EP400: variants seen among roughly 807,000 people sequenced by gnomAD.
EP400 encodes the protein E1A binding protein p400.
Under a neutral mutation model 354.1 loss-of-function variants are expected in EP400, and 105 were observed. That is an observed-to-expected ratio of 0.30 (90% CI 0.25 to 0.35). EP400 has a LOEUF of 0.35. Among genes scored for constraint, EP400 ranks in the 10% least tolerant of loss-of-function variants. The pLI, the probability that EP400 is intolerant of heterozygous loss-of-function variation, is 1.00. For synonymous variants in EP400, 1,646 were observed against 1,716.9 expected (o/e 0.96, Z 1.02); for missense variants, 3,280 against 4,121.0 (o/e 0.80, Z 5.59).
chr12:132,045,441 A>G lies in EP400; in HGVS notation c.6907A>G (p.Ile2303Val). ...AGAGGGCAAGGAGCAGAAGAAGAAT[A>G]TTCTGCTGAAGCAGCAGGTGCCATT... ...RREGKEQKKN[I>V]LLKQQVPFAK... The change falls in exon 38 of 53, where the codon ATT becomes GTT. Residue 2303 changes from isoleucine (I) to valine (V), a missense_variant. Physicochemically the swap from Ile to Val is conservative, Grantham distance 29. Coordinates refer to ENST00000389561, the MANE Select transcript of EP400 (RefSeq NM_015409.5). The G allele has an allele frequency of 6.2e-7, 1 of 1,614,230 alleles. No individual in the cohort carries two copies. The highest frequency in any genetic ancestry group is 1.3e-5 in the African/African-American group (1 of 75,072).
intron 2 of EP400, among the ~76,000 whole-genome samples, chr12:131,974,847 G>A (rs888483730): frequency 6.6e-6 from 1 of 151,806 alleles, no homozygotes; most frequent in African/African-American, 2.4e-5. Flanking sequence ...AAAATTAGCC[G>A]GGCTTGGTGG....
intron 19 of EP400, among the ~76,000 whole-genome samples, chr12:132,014,420 A>G (rs565296339): frequency 6.6e-6 from 1 of 152,242 alleles, no homozygotes; most frequent in African/African-American, 2.4e-5. Flanking sequence ...TCTGGCAGGG[A>G]CGTGCTGGTG....
chr12:132,004,413 A>T (rs1287600241), intron 12 of EP400, among the ~76,000 whole-genome samples: 2 of 152,124 alleles, frequency 1.3e-5, no homozygotes, highest in Admixed American at 1.3e-4. Flanking sequence ...TTTTTAAGCA[A>T]TTAGGGTGAG....
At chr12:131,983,302 A>G (rs1424845754) in intron 5 of EP400, among the ~76,000 whole-genome samples, 4 of 152,198 alleles carry the variant, frequency 2.6e-5, no homozygotes, top group Admixed American at 2.0e-4. Context: ...TTGGGATGCT[A>G]TATGCTCTGC....
At position 132,053,132 on chromosome 12, in the gene EP400, CGTCT is replaced by C. The variant is rs749287210; in HGVS notation, c.7395-9_7395-6del. 3.1e-6 allele frequency: 5 copies of C among 1,613,878 alleles called. No individual in the cohort carries two copies. Among genetic ancestry groups the C allele is most frequent in the South Asian group, 1.1e-5 (1 of 91,078 alleles). ...CTTGCCTGTATGTTTTTAACCTTTG[CGTCT>C]GTCTTTCAGTGGAATCAACTATGAC... On this transcript the variant is annotated splice_polypyrimidine_tract_variant and intron_variant, in intron 41 of 52. Transcript: ENST00000389561.
chr12:131,965,257 C>A (rs765510657), intron 2 of EP400, among the ~76,000 whole-genome samples: 10 of 152,282 alleles, frequency 6.6e-5, no homozygotes, highest in Admixed American at 4.6e-4. Context: ...ATTTATTTTT[C>A]CTTTTTTAAA....
intron 15 of EP400, among the ~76,000 whole-genome samples, chr12:132,007,955 T>C (rs1259869218): frequency 4.9e-3 from 1 of 206 alleles, no homozygotes; most frequent in Non-Finnish European, 7.9e-3. Context: ...CGAGGGTTCT[T>C]TTTTTTTTTG....
chr12:132,074,366 G>A (rs1361250989), intron 51 of EP400, among the ~76,000 whole-genome samples: 2 of 152,106 alleles, frequency 1.3e-5, no homozygotes, highest in Non-Finnish European at 2.9e-5. Context: ...TTATTGAGAC[G>A]TTGTCTTTGT....
rs1310389812 is a variant in EP400, at chr12:132,013,594, G to T, written c.3716G>T (p.Ser1239Ile). The change falls in exon 18 of 53, where the codon AGC (serine) becomes ATC (isoleucine). Residue 1239 changes from serine to isoleucine, a missense_variant. Around this residue, in one of 20 missense-constraint regions of EP400, gnomAD observed 242 missense variants for 357.9 expected, o/e 0.68. Transcript: ENST00000389561. The surrounding 1 kb of genome is among the most constrained non-coding windows in gnomAD (Gnocchi z 4.5). Reference protein sequence around the residue: ...LVPGISRPYLSSPLRAPSEES... With the variant: ...LVPGISRPYLISPLRAPSEES... ...CCAGGGATCTCCAGGCCCTACCTGA[G>T]CTCCCCTCTGAGGGCCCCCAGTGAA... 6.2e-7 allele frequency: 1 copy of T among 1,613,968 alleles called. No homozygotes were observed. Among genetic ancestry groups the T allele is most frequent in the Non-Finnish European group, 8.5e-7 (1 of 1,179,938 alleles).
At chr12:131,989,414 C>T (rs1449661699) in intron 7 of EP400, among the ~76,000 whole-genome samples, 10 of 152,206 alleles carry the variant, frequency 6.6e-5, no homozygotes. Context: ...CATTTCCATC[C>T]CTAGAACGGG....
chr12:131,974,987 CAAAAAAA>C (rs764013155), intron 2 of EP400, among the ~76,000 whole-genome samples: 9 of 43,328 alleles, frequency 2.1e-4, no homozygotes, highest in African/African-American at 3.9e-4. Flanking sequence ...GACTCCATCT[CAAAAAAA>C]AAAAAAAAAA....
intron 11 of EP400, among the ~76,000 whole-genome samples, chr12:131,993,803 C>T (rs762193042): frequency 5.3e-5 from 8 of 152,146 alleles, no homozygotes; most frequent in East Asian, 1.9e-4. Context: ...TGTAAAGATA[C>T]GGTATTACAG....
Position 132,045,355 on chromosome 12 carries a change from C to T in EP400, c.6821C>T (p.Ala2274Val), listed in dbSNP as rs539306836. Residue 2274 changes from alanine to valine, a missense_variant, in exon 38 of 53, where the codon GCG becomes GTG. This residue lies in a region of EP400 where 231 missense variants were observed against 257.9 expected (regional missense o/e 0.90). Transcript: ENST00000389561. Reference sequence around the variant, plus strand: ...AAGAAGAAGCAGCGTCACGGGGAGGCGGTCGTCCCTCCTCGGTCCCTGTTT... The same window carrying T: ...AAGAAGAAGCAGCGTCACGGGGAGGTGGTCGTCCCTCCTCGGTCCCTGTTT... Reference protein sequence around the residue: ...GRKKKQRHGEAVVPPRSLFDR... With the variant: ...GRKKKQRHGEVVVPPRSLFDR... The T allele has an allele frequency of 3.2e-5, 51 of 1,614,110 alleles. No homozygotes were observed. The highest frequency in any genetic ancestry group is 5.3e-5 in the African/African-American group (4 of 74,950).
At chr12:132,022,695 G>A (rs1250682976) in intron 23 of EP400, among the ~76,000 whole-genome samples, 4 of 151,240 alleles carry the variant, frequency 2.6e-5, no homozygotes, top group African/African-American at 9.7e-5. Context: ...GTTATAGATT[G>A]ACGCTTACCA....
At chr12:132,021,381 A>C in intron 23 of EP400, 60 bp downstream of exon 23, 3 of 1,444,908 alleles carry the variant, frequency 2.1e-6, no homozygotes, top group Non-Finnish European at 2.7e-6. Flanking sequence ...AGTTGTGTTA[A>C]GAACACGGGG....
At chr12:131,956,179 C>G (rs1319515263) in intron 1 of EP400, among the ~76,000 whole-genome samples, 1 of 152,136 alleles carries the variant, frequency 6.6e-6, no homozygotes, top group Non-Finnish European at 1.5e-5. Context: ...CATCTTGCAC[C>G]TGAGACTCAA....
rs766278914 is a variant in EP400, at chr12:132,044,278, C to T, written c.6552C>T (p.Leu2184=). The T allele has an allele frequency of 1.2e-6, 2 of 1,613,952 alleles. No individual in the cohort carries two copies. The highest frequency in any genetic ancestry group is 1.1e-5 in the South Asian group (1 of 91,086). ...GGCTGGAGCAGGAGGAGGCGGAGCT[C>T]CTGACCTACACGCGAGAGGATGCCT... ...RLRLEQEEAE[L]LTYTREDAYS... is the part of the protein sequence containing the mutation. The change falls in exon 35 of 53, where the codon CTC becomes CTT. Residue 2184 remains leucine, a synonymous_variant. Coordinates refer to ENST00000389561, the MANE Select transcript of EP400 (RefSeq NM_015409.5).
intron 45 of EP400, among the ~76,000 whole-genome samples, chr12:132,055,727 G>A (rs1172668802): frequency 6.7e-6 from 1 of 150,326 alleles, no homozygotes; most frequent in Non-Finnish European, 1.5e-5. Context: ...TGAAGTGTAG[G>A]GGTGTGTGTG....
intron 15 of EP400, among the ~76,000 whole-genome samples, chr12:132,010,462 T>C (rs1893728962): frequency 6.6e-6 from 1 of 152,192 alleles, no homozygotes; most frequent in African/African-American, 2.4e-5. Context: ...CTTTGTTTAT[T>C]TTCTATTGGG....
Sources: gnomAD v4.1 joint callset for allele counts (sites outside exome capture counted in the v4.1 genomes callset) on GRCh38, gnomAD v4.1.1 for gene constraint, gnomAD v4.1.1 regional missense constraint, Gnocchi (gnomAD v3.1) non-coding constraint, MANE v1.5 for transcripts, NCBI Gene and HGNC (gene_info 2026-07-23, HGNC 2026-07-21) for gene names.